Variants in DNAH17 observed in about 807,000 individuals in gnomAD.
DNAH17 encodes the protein axonemal beta dynein heavy chain 17.
A neutral mutation model predicts 485.6 loss-of-function variants in DNAH17; 376 were observed. That is an observed-to-expected ratio of 0.77 (90% CI 0.71 to 0.84). The LOEUF is 0.84. Ranked by LOEUF, DNAH17 falls within the 40% of genes least tolerant of loss-of-function variation. The pLI, the probability that DNAH17 is intolerant of heterozygous loss-of-function variation, is 0.00. For synonymous variants in DNAH17, 3,031 were observed against 2,405.9 expected, an observed-to-expected ratio of 1.26 and a Z score of -7.60; for missense variants, 6,370 against 5,839.3, an observed-to-expected ratio of 1.09 and a Z score of -2.96.
chr17:78,511,579 C>T lies in DNAH17; in HGVS notation c.4114-1073G>A, dbSNP rs185732200. Among the ~76,000 whole-genome samples the T allele has an allele frequency of 6.4e-4, 97 of 152,340 alleles. 1 individual carries two copies. Among genetic ancestry groups the T allele is most frequent in the African/African-American group, 2.0e-3 (84 of 41,572 alleles). On this transcript the variant is annotated intron_variant, in intron 26 of 80. Transcript: ENST00000389840. ...GTACCAGATCACCGTTAGTCTAGTACGAACATACCAGGTACTTGCCTAGTG... is the reference window on the plus strand; with the variant it reads ...GTACCAGATCACCGTTAGTCTAGTATGAACATACCAGGTACTTGCCTAGTG...
chr17:78,450,896 G>A (rs2087520531), intron 66 of DNAH17, 50 bp from the exon 67 acceptor site: 3 of 1,596,360 alleles, frequency 1.9e-6, no homozygotes, highest in African/African-American at 1.3e-5. Context: ...CTGTCCACCG[G>A]GCACCCGGGC....
At chr17:78,563,350 G>A (rs1056861027) in intron 11 of DNAH17, among the ~76,000 whole-genome samples, 1 of 152,076 alleles carries the variant, frequency 6.6e-6, no homozygotes, top group African/African-American at 2.4e-5. Flanking sequence ...GCCTGCTGAC[G>A]TATGAGGTCA....
chr17:78,454,032 T>C (rs1421058536), intron 64 of DNAH17, among the ~76,000 whole-genome samples: 1 of 152,138 alleles, frequency 6.6e-6, no homozygotes, highest in Non-Finnish European at 1.5e-5. Flanking sequence ...AGTAGCTTTA[T>C]GGCCACAGAG....
intron 6 of DNAH17, 101 bp from the exon 7 acceptor site, chr17:78,570,473 G>A: frequency 7.0e-7 from 1 of 1,435,352 alleles, no homozygotes; most frequent in East Asian, 2.5e-5. Context: ...TGGGTATCCA[G>A]CAGAGGGTTC....
At position 78,425,518 on chromosome 17, in the gene DNAH17, G is replaced by A. The variant is rs145079602; in HGVS notation, c.12969C>T (p.Ala4323=). The change falls in exon 80 of 81, where the codon GCC becomes GCT. Residue 4323 remains alanine (A), a synonymous_variant. Transcript: ENST00000389840. ...DFALPTTVWL[A]GFFNPQSFLT... ...GGAACGACTGGGGGTTGAAGAAGCCGGCCAGCCACACGGTGGTGGGCAGGG... is the reference window on the plus strand; with the variant it reads ...GGAACGACTGGGGGTTGAAGAAGCCAGCCAGCCACACGGTGGTGGGCAGGG... 7.2e-5 allele frequency: 116 copies of A among 1,613,812 alleles called. No homozygotes were observed. Among genetic ancestry groups the A allele is most frequent in the African/African-American group, 5.9e-4 (44 of 75,042 alleles).
intron 16 of DNAH17, among the ~76,000 whole-genome samples, chr17:78,544,987 C>T (rs1465404131): frequency 1.3e-5 from 2 of 151,990 alleles, no homozygotes; most frequent in Non-Finnish European, 2.9e-5. Flanking sequence ...ATCTCCCTAT[C>T]CTCCATCCCA....
chr17:78,541,449 G>C (rs1159941607), intron 17 of DNAH17, among the ~76,000 whole-genome samples: 1 of 151,424 alleles, frequency 6.6e-6, no homozygotes, highest in Non-Finnish European at 1.5e-5. Context: ...AAGTGCTATA[G>C]GGAAACTCAA....
Position 78,459,979 on chromosome 17 carries a change from G to A in DNAH17, c.9458C>T (p.Ser3153Phe), listed in dbSNP as rs534466963. 17 of 1,613,064 alleles carry A rather than the reference G, an allele frequency of 1.1e-5. No individual in the cohort carries two copies. The South Asian group carries it at 1.3e-4, about 13-fold the overall frequency. ...LNKNNLTELK[S>F]FGSPPDAVVN... Reference sequence around the variant, plus strand: ...CACAGCATCCGGCGGGGACCCAAAGGACTTCAGCTCTGTCAGGTTGTTCTG... The same window carrying A: ...CACAGCATCCGGCGGGGACCCAAAGAACTTCAGCTCTGTCAGGTTGTTCTG... Residue 3153 changes from serine to phenylalanine, a missense_variant, in exon 60 of 81, where the codon TCC (serine) becomes TTC (phenylalanine). Transcript: ENST00000389840.
In DNAH17 at chr17:78,526,777, G is replaced by A. The variant is rs182738479; in HGVS notation, c.3625-40C>T. The A allele has an allele frequency of 4.0e-4, 624 of 1,571,510 alleles. 3 individuals carry two copies. In the African/African-American group the frequency reaches 6.1e-3, roughly 15 times the overall value. Reference sequence around the variant, plus strand: ...TGCAAAGTACAGAGAGTCACGGGGCGGCCACCTGCCCCAAGGGTGGCCCCA... The same window carrying A: ...TGCAAAGTACAGAGAGTCACGGGGCAGCCACCTGCCCCAAGGGTGGCCCCA... On this transcript the variant is annotated intron_variant, in intron 23 of 80. Transcript: ENST00000389840.
chr17:78,576,601 C>T (rs776614072), intron 1 of DNAH17, among the ~76,000 whole-genome samples: 3 of 152,172 alleles, frequency 2.0e-5, no homozygotes, highest in Admixed American at 6.5e-5. Flanking sequence ...GGACGCGTCA[C>T]GTCGTCATTT....
chr17:78,461,420 G>C, intron 58 of DNAH17, 124 bp downstream of exon 58: 2 of 1,068,898 alleles, frequency 1.9e-6, no homozygotes, highest in Non-Finnish European at 2.5e-6. Flanking sequence ...TAGGAACCTT[G>C]TCCTTCTATG....
In DNAH17 at chr17:78,444,589, C is replaced by A. The variant is rs770580737; in HGVS notation, c.11528+15G>T. 6 of 1,538,338 alleles carry A rather than the reference C, an allele frequency of 3.9e-6. No homozygotes were observed. In the South Asian group the frequency reaches 6.0e-5, roughly 15 times the overall value. On this transcript the variant is annotated intron_variant, in intron 71 of 80. Coordinates refer to ENST00000389840, the MANE Select transcript of DNAH17 (RefSeq NM_173628.4). ...GGCCTCGGGGGCGGGGCCCCCGGCG[C>A]GGCGGGACACTCACTTGATAGCGTA...
intron 16 of DNAH17, among the ~76,000 whole-genome samples, chr17:78,548,289 C>T (rs1465768361): frequency 7.1e-6 from 1 of 141,802 alleles, no homozygotes; most frequent in Admixed American, 7.5e-5. Flanking sequence ...ACTGCAAGCT[C>T]CGCCTCCTGG....
intron 16 of DNAH17, among the ~76,000 whole-genome samples, chr17:78,544,373 C>A (rs2091693007): frequency 6.6e-6 from 1 of 152,134 alleles, no homozygotes; most frequent in African/African-American, 2.4e-5. Context: ...GTGGATCGTC[C>A]ATAGCTGCAA....
chr17:78,465,543 G>A (rs1427956169), intron 56 of DNAH17, among the ~76,000 whole-genome samples: 2 of 118,160 alleles, frequency 1.7e-5, no homozygotes, highest in African/African-American at 5.7e-5. Flanking sequence ...CTGCCCGGCC[G>A]CCCATCGTCT....
At chr17:78,437,991 C>A in intron 73 of DNAH17, 123 bp from the exon 74 acceptor site, 1 of 691,664 alleles carries the variant, frequency 1.4e-6, no homozygotes, top group East Asian at 2.8e-5. Context: ...CCACACTTGC[C>A]TGGTGCTGGC....
At chr17:78,511,250 G>A (rs1460172151) in intron 26 of DNAH17, among the ~76,000 whole-genome samples, 1 of 152,242 alleles carries the variant, frequency 6.6e-6, no homozygotes, top group African/African-American at 2.4e-5. Context: ...TGGGACTACA[G>A]GCACGTACCA....
At position 78,574,736 on chromosome 17, in the gene DNAH17, G is replaced by C. The variant is rs376352834; in HGVS notation, c.322C>G (p.Gln108Glu). ...ACCTCCTCCACCACCGCGATCAGCT[G>C]GTCCACGGGTGTGGGGCTGATGTCG... ...YGDISPTPVD[Q>E]LIAVVEEVLS... Residue 108 changes from glutamine to glutamate, a missense_variant, in exon 2 of 81, where the codon CAG (glutamine) becomes GAG (glutamate). Gln to Glu is a conservative substitution (Grantham distance 29). Coordinates refer to ENST00000389840, the MANE Select transcript of DNAH17 (RefSeq NM_173628.4). 4 of 1,608,784 alleles carry C rather than the reference G, an allele frequency of 2.5e-6. No individual in the cohort carries two copies. Among genetic ancestry groups the C allele is most frequent in the African/African-American group, 2.7e-5 (2 of 74,784 alleles).
At chr17:78,507,895 T>G in intron 27 of DNAH17, 90 bp from the exon 28 acceptor site, 1 of 1,247,620 alleles carries the variant, frequency 8.0e-7, no homozygotes. Flanking sequence ...AGACTGAAGC[T>G]CCATGATCAG....
Sources: gnomAD v4.1 joint callset for allele counts (sites outside exome capture counted in the v4.1 genomes callset) on GRCh38, gnomAD v4.1.1 for gene constraint, MANE v1.5 for transcripts, NCBI Gene and HGNC (gene_info 2026-07-23, HGNC 2026-07-21) for gene names.